SLC25A12: variants seen among roughly 807,000 people sequenced by gnomAD.
SLC25A12 encodes the protein solute carrier family 25 member 12, also known as electrogenic aspartate/glutamate antiporter SLC25A12, mitochondrial.
A neutral mutation model predicts 83.3 loss-of-function variants in SLC25A12; 32 were observed. The ratio of observed to expected loss-of-function variants is 0.38; its 90% confidence interval spans 0.29 to 0.52. SLC25A12 has a LOEUF of 0.52. Ranked by LOEUF, SLC25A12 falls within the 20% of genes least tolerant of loss-of-function variation. SLC25A12 has a pLI of 0.84. For missense variants in SLC25A12, 611 were observed against 835.6 expected, an observed-to-expected ratio of 0.73 and a Z score of 3.31; for synonymous variants, 267 against 291.1, an observed-to-expected ratio of 0.92 and a Z score of 0.84.
chr2:171,854,492 G>A (rs562203338), intron 4 of SLC25A12, among the ~76,000 whole-genome samples: 4 of 152,170 alleles, frequency 2.6e-5, no homozygotes, highest in South Asian at 4.2e-4. Context: ...ACTTGAACCC[G>A]GGAGGCAGGG....
At chr2:171,845,955 A>G (rs924314709) in intron 4 of SLC25A12, 2 of 305,250 alleles carry the variant, frequency 6.6e-6, no homozygotes, top group Admixed American at 8.2e-5. Flanking sequence ...CCCAATAGCA[A>G]TTTGTGGGAT....
intron 9 of SLC25A12, among the ~76,000 whole-genome samples, chr2:171,821,309 A>G (rs11903123): frequency 0.82 from 123,852 of 151,906 alleles, 51,616 homozygotes; most frequent in Middle Eastern, 0.91. Flanking sequence ...GAGCCACCAC[A>G]CCCGGCCTAA....
chr2:171,820,942 T>C (rs1431292395), intron 9 of SLC25A12, among the ~76,000 whole-genome samples: 1 of 151,560 alleles, frequency 6.6e-6, no homozygotes, highest in Non-Finnish European at 1.5e-5. Context: ...GCACAACATA[T>C]TTATCCGTTC....
chr2:171,797,025 T>C (rs1472584182), intron 13 of SLC25A12, among the ~76,000 whole-genome samples: 1 of 152,216 alleles, frequency 6.6e-6, no homozygotes, highest in Admixed American at 6.5e-5. Flanking sequence ...GTTTCCTCTC[T>C]GCGAAACAAA....
chr2:171,859,766 AT>A (rs34957062), intron 3 of SLC25A12, among the ~76,000 whole-genome samples: 31,340 of 148,340 alleles, frequency 0.21, 3,995 homozygotes, highest in East Asian at 0.57. Flanking sequence ...GGATACAACA[AT>A]TTTTTTTTTT....
chr2:171,885,966 A>C (rs1685808879), intron 2 of SLC25A12, among the ~76,000 whole-genome samples: 1 of 152,160 alleles, frequency 6.6e-6, no homozygotes, highest in Non-Finnish European at 1.5e-5. Context: ...CAAGTTAACA[A>C]CCTAGTATTT....
chr2:171,815,907 CCAA>C (rs1411097106), intron 9 of SLC25A12, among the ~76,000 whole-genome samples: 3 of 151,520 alleles, frequency 2.0e-5, no homozygotes, highest in African/African-American at 4.9e-5. Context: ...CACATATTTG[CCAA>C]CGTCTTAATT....
intron 13 of SLC25A12, among the ~76,000 whole-genome samples, chr2:171,796,765 G>A (rs1205116935): frequency 2.6e-5 from 4 of 152,070 alleles, no homozygotes; most frequent in East Asian, 3.8e-4. Context: ...TGCAAAAACC[G>A]CAGTTACTTT....
chr2:171,812,042 T>A (rs531528466), intron 11 of SLC25A12, among the ~76,000 whole-genome samples: 4 of 152,232 alleles, frequency 2.6e-5, no homozygotes, highest in Non-Finnish European at 5.9e-5. Context: ...GCATTCTGGA[T>A]ATTGTACGCC....
intron 9 of SLC25A12, among the ~76,000 whole-genome samples, chr2:171,816,534 G>A (rs907353938): frequency 6.6e-6 from 1 of 151,996 alleles, no homozygotes; most frequent in African/African-American, 2.4e-5. Context: ...GATGTAAATA[G>A]TTGTTATACT....
intron 3 of SLC25A12, among the ~76,000 whole-genome samples, chr2:171,858,622 G>GT: frequency 6.6e-6 from 1 of 152,288 alleles, no homozygotes; most frequent in African/African-American, 2.4e-5. Context: ...GCAAAGTACT[G>GT]TTTTTTAGTT....
At position 171,785,520 on chromosome 2, in the gene SLC25A12, T is replaced by G. The variant is rs201389442; in HGVS notation, c.1836-45A>C. The G allele has an allele frequency of 2.9e-4, 447 of 1,563,758 alleles. 2 individuals carry two copies. In the African/African-American group the frequency reaches 5.4e-3, roughly 19 times the overall value. On this transcript the variant is annotated intron_variant, in intron 17 of 17. Transcript: ENST00000422440. The stretch of plus-strand genomic sequence containing the variant: ...CAATGGTTAGCATGCTCAAGGTGGA[T>G]GAGCGCAGCTTACAGCTGGACATTT...
intron 13 of SLC25A12, among the ~76,000 whole-genome samples, chr2:171,799,427 C>G (rs1468049439): frequency 6.6e-6 from 1 of 152,174 alleles, no homozygotes; most frequent in Non-Finnish European, 1.5e-5. Context: ...CCAAACTACT[C>G]TTTAGAGATA....
intron 9 of SLC25A12, among the ~76,000 whole-genome samples, chr2:171,819,384 A>AT (rs1684132026): frequency 5.4e-5 from 2 of 36,790 alleles, no homozygotes; most frequent in South Asian, 1.0e-3. Context: ...TATTATATAT[A>AT]ATATATATTA....
chr2:171,856,836 G>C (rs1685057492), intron 3 of SLC25A12, among the ~76,000 whole-genome samples: 1 of 152,060 alleles, frequency 6.6e-6, no homozygotes, highest in Non-Finnish European at 1.5e-5. Context: ...ATGATATTAA[G>C]AAATCAATGT....
At chr2:171,849,558 CTT>C (rs72304626) in intron 4 of SLC25A12, among the ~76,000 whole-genome samples, 37 of 114,556 alleles carry the variant, frequency 3.2e-4, no homozygotes, top group East Asian at 1.7e-3. Context: ...GTGGTGTGAT[CTT>C]TTTTTTTTTT....
chr2:171,839,933 T>C (rs754599918), intron 5 of SLC25A12, among the ~76,000 whole-genome samples: 1 of 152,184 alleles, frequency 6.6e-6, no homozygotes, highest in South Asian at 2.1e-4. Context: ...TTTCCCAACC[T>C]TGGCAGAAGA....
intron 3 of SLC25A12, among the ~76,000 whole-genome samples, chr2:171,863,110 C>G (rs1349023117): frequency 6.6e-6 from 1 of 151,920 alleles, no homozygotes; most frequent in Non-Finnish European, 1.5e-5. Context: ...ACCATGTTGT[C>G]CAAGCTGGTC....
intron 2 of SLC25A12, among the ~76,000 whole-genome samples, chr2:171,879,898 A>C (rs975768723): frequency 5.3e-5 from 8 of 152,318 alleles, no homozygotes; most frequent in African/African-American, 1.9e-4. Context: ...CAATGTATGA[A>C]TCTAGCTTGG....
Sources: allele counts gnomAD v4.1 joint callset (sites outside exome capture counted in the v4.1 genomes callset), GRCh38; gene constraint gnomAD v4.1.1; transcripts MANE v1.5; gene names NCBI Gene and HGNC (gene_info 2026-07-23, HGNC 2026-07-21).